Variants in GNG2 observed in about 807,000 individuals in gnomAD.
The protein encoded by GNG2 is guanine nucleotide-binding protein G(I)/G(S)/G(O) subunit gamma-2.
GNG2 carries 5 observed loss-of-function variants against 5.5 expected under a neutral mutation model. The ratio of observed to expected loss-of-function variants is 0.91; its 90% CI spans 0.48 to 1.92. The LOEUF is 1.92. Among genes scored for constraint, GNG2 ranks in the 30% most tolerant of loss-of-function variants. The pLI is 0.01. For missense variants in GNG2, 55 were observed against 88.4 expected, an observed-to-expected ratio of 0.62 and a Z score of 1.52; for synonymous variants, 28 against 32.0, an observed-to-expected ratio of 0.88 and a Z score of 0.42.
intron 2 of GNG2, among the ~76,000 whole-genome samples, chr14:51,832,846 A>G (rs1324251331): frequency 6.6e-6 from 1 of 152,208 alleles, no homozygotes; most frequent in East Asian, 1.9e-4. Context: ...TTCAATATAC[A>G]AATTAAGGGG....
At chr14:51,918,786 C>T (rs1394895186) in intron 2 of GNG2, among the ~76,000 whole-genome samples, 1 of 152,060 alleles carries the variant, frequency 6.6e-6, no homozygotes, top group Admixed American at 6.5e-5. Flanking sequence ...TGGAGAAATT[C>T]TTGTGTATCA....
intron 2 of GNG2, among the ~76,000 whole-genome samples, chr14:51,901,302 C>G (rs1054870938): frequency 6.6e-6 from 1 of 151,944 alleles, no homozygotes; most frequent in South Asian, 2.1e-4. Context: ...CCTCCCAGCT[C>G]GGCCTCCCAA....
intron 2 of GNG2, among the ~76,000 whole-genome samples, chr14:51,894,928 A>G (rs1319396035): frequency 6.6e-6 from 1 of 152,124 alleles, no homozygotes; most frequent in Admixed American, 6.6e-5. Flanking sequence ...CATTTTCTCA[A>G]ACAAAAATCT....
intron 2 of GNG2, among the ~76,000 whole-genome samples, chr14:51,845,828 G>T (rs532384409): frequency 1.3e-5 from 2 of 152,154 alleles, no homozygotes; most frequent in South Asian, 4.1e-4. Context: ...AGTTTGGGAC[G>T]TGCTGGCCTG....
chr14:51,851,542 C>A lies in GNG2; in HGVS notation c.64+23735C>A, dbSNP rs1881908489. Among the ~76,000 whole-genome samples the A allele has an allele frequency of 5.3e-5, 8 of 152,346 alleles. 1 individual carries two copies. The South Asian group carries it at 1.7e-3, about 32-fold the overall frequency. ...GTGCTTACTGTATATCAGGCACCATCAAGACCCTGCCTGATCAAGAACACA... is the reference window on the plus strand; with the variant it reads ...GTGCTTACTGTATATCAGGCACCATAAAGACCCTGCCTGATCAAGAACACA... On this transcript the variant is annotated intron_variant, in intron 2 of 3. Coordinates refer to the GNG2 transcript ENST00000553432.
intron 2 of GNG2, among the ~76,000 whole-genome samples, chr14:51,936,257 C>T (rs1192883747): frequency 6.6e-6 from 1 of 152,178 alleles, no homozygotes; most frequent in Non-Finnish European, 1.5e-5. Context: ...TCCTGCTAAA[C>T]ACTTAGATTT....
At chr14:51,827,786 G>A in exon 2 of GNG2, 1 of 697,768 alleles carries the variant, frequency 1.4e-6, no homozygotes, top group Non-Finnish European at 2.6e-6. Flanking sequence ...AGAAGCAAGA[G>A]ATGGTGTACC....
chr14:51,938,747 G>A (rs1159748305), intron 2 of GNG2, among the ~76,000 whole-genome samples: 1 of 152,170 alleles, frequency 6.6e-6, no homozygotes, highest in African/African-American at 2.4e-5. Flanking sequence ...GGGGAACTCA[G>A]CATCCTTTGT....
At position 51,966,846 on chromosome 14, in the gene GNG2, A is replaced by G. The variant is rs1889947890; in HGVS notation, c.*159A>G. The stretch of plus-strand genomic sequence containing the variant: ...CATGTTTAAAGATCTGGTCCCCTTT[A>G]TGAGAATGCAAGCCGATCCACATCC... On this transcript the variant is annotated 3_prime_UTR_variant, in exon 4 of 4. Coordinates refer to ENST00000556766, the MANE Select transcript of GNG2 (RefSeq NM_053064.5). The G allele has an allele frequency of 5.2e-6, 3 of 580,668 alleles. No homozygotes were observed. Among genetic ancestry groups the G allele is most frequent in the Non-Finnish European group, 9.1e-6 (3 of 330,118 alleles). 36.0% of individuals were successfully genotyped at this position (580,668 alleles called of 1,614,324 possible).
chr14:51,966,321 G>T (rs1889917489), intron 3 of GNG2, among the ~76,000 whole-genome samples: 1 of 151,266 alleles, frequency 6.6e-6, no homozygotes, highest in African/African-American at 2.4e-5. Flanking sequence ...GCCTCCTTCG[G>T]TTCTGCACCC....
intron 2 of GNG2, among the ~76,000 whole-genome samples, chr14:51,886,299 A>G (rs1204669396): frequency 6.6e-6 from 1 of 152,180 alleles, no homozygotes; most frequent in Non-Finnish European, 1.5e-5. Context: ...TTCACCTTAC[A>G]CAATTGCCAG....
intron 2 of GNG2, among the ~76,000 whole-genome samples, chr14:51,932,710 G>C (rs1379071955): frequency 6.6e-6 from 1 of 152,200 alleles, no homozygotes; most frequent in Admixed American, 6.5e-5. Flanking sequence ...AATTGTTTAA[G>C]AGAAAGGAAG....
chr14:51,962,017 C>G (rs1456093724), intron 3 of GNG2, among the ~76,000 whole-genome samples: 1 of 152,112 alleles, frequency 6.6e-6, no homozygotes, highest in African/African-American at 2.4e-5. Flanking sequence ...GAATACTACT[C>G]CTGCATAGTT....
intron 2 of GNG2, among the ~76,000 whole-genome samples, chr14:51,925,041 T>C (rs1014485222): frequency 2.0e-5 from 3 of 152,222 alleles, no homozygotes; most frequent in Admixed American, 1.3e-4. Flanking sequence ...TAAGTTCCAG[T>C]GTTCCATAGC....
At chr14:51,880,957 C>CAAA (rs1475802031) in intron 2 of GNG2, among the ~76,000 whole-genome samples, 9 of 10,468 alleles carry the variant, frequency 8.6e-4, no homozygotes, top group South Asian at 3.5e-3. Flanking sequence ...CTTAAAAAGA[C>CAAA]AAAAAAAAAG....
chr14:51,946,156 A>G (rs1205871614), intron 2 of GNG2, among the ~76,000 whole-genome samples: 3 of 152,188 alleles, frequency 2.0e-5, no homozygotes, highest in Non-Finnish European at 1.5e-5. Flanking sequence ...AGAAGTCACA[A>G]CATGAGCAAA....
At chr14:51,924,919 T>C (rs985085762) in intron 2 of GNG2, among the ~76,000 whole-genome samples, 14 of 152,328 alleles carry the variant, frequency 9.2e-5, no homozygotes, top group African/African-American at 3.4e-4. Context: ...CAGGGCACTA[T>C]TCTAAGCACT....
Position 51,849,955 on chromosome 14 carries a change from G to A in GNG2, c.64+22148G>A, listed in dbSNP as rs571546185. On this transcript the variant is annotated intron_variant, in intron 2 of 3. Coordinates refer to the GNG2 transcript ENST00000553432. Reference sequence around the variant, plus strand: ...CTCCCAAGTAGTTGGGACTATAGGCGGGTACCACCATGCCTGCCTAATAAA... The same window carrying A: ...CTCCCAAGTAGTTGGGACTATAGGCAGGTACCACCATGCCTGCCTAATAAA... Among the ~76,000 whole-genome samples the A allele has an allele frequency of 5.3e-5, 8 of 151,960 alleles. No homozygotes were observed. In the South Asian group the frequency reaches 1.2e-3, roughly 24 times the overall value.
intron 2 of GNG2, among the ~76,000 whole-genome samples, chr14:51,943,760 T>G (rs1888484141): frequency 1.3e-5 from 2 of 151,958 alleles, no homozygotes; most frequent in Admixed American, 1.3e-4. Flanking sequence ...AAAGACTTAT[T>G]CAACAAAAAT....
Sources: gnomAD v4.1 joint callset for allele counts (sites outside exome capture counted in the v4.1 genomes callset) on GRCh38, gnomAD v4.1.1 for gene constraint, MANE v1.5 for transcripts, NCBI Gene and HGNC (gene_info 2026-07-23, HGNC 2026-07-21) for gene names.